The following SYNPR variants were observed in gnomAD, a reference collection of about 807,000 sequenced individuals.
The protein encoded by SYNPR is synaptoporin.
SYNPR carries 23 observed loss-of-function variants against 32.9 expected under a neutral mutation model. The ratio of observed to expected loss-of-function variants is 0.70; its 90% CI spans 0.50 to 0.99. The LOEUF is 0.99. SYNPR is among the 50% of genes least tolerant of loss of function. SYNPR has a pLI of 0.00. For synonymous variants in SYNPR, 146 were observed against 135.9 expected (o/e 1.07, Z -0.52); for missense variants, 318 against 349.3 (o/e 0.91, Z 0.71).
intron 3 of SYNPR, among the ~76,000 whole-genome samples, chr3:63,523,499 T>G (rs1364236411): frequency 1.3e-5 from 2 of 152,050 alleles, no homozygotes; most frequent in Non-Finnish European, 2.9e-5. Context: ...CAGGAATTAT[T>G]CTCTCCCTTT....
At chr3:63,318,533 T>C (rs1363831539) in intron 2 of SYNPR, among the ~76,000 whole-genome samples, 2 of 152,048 alleles carry the variant, frequency 1.3e-5, no homozygotes, top group Non-Finnish European at 2.9e-5. Flanking sequence ...CTCTTCTGTT[T>C]GTTCAGTTCT....
chr3:63,228,932 AAAACAAAC>A (rs61065374), intron 1 of SYNPR, among the ~76,000 whole-genome samples: 2,000 of 151,866 alleles, frequency 0.013, 40 homozygotes, highest in African/African-American at 0.043. Flanking sequence ...GCGCTTCTCC[AAAACAAAC>A]AAACAAACAA....
intron 2 of SYNPR, among the ~76,000 whole-genome samples, chr3:63,282,335 T>C (rs542048798): frequency 6.6e-6 from 1 of 152,334 alleles, no homozygotes; most frequent in African/African-American, 2.4e-5. Flanking sequence ...CAGAAGGCTA[T>C]ATTATTCTAA....
intron 2 of SYNPR, among the ~76,000 whole-genome samples, chr3:63,342,548 G>C (rs2087383915): frequency 6.6e-6 from 1 of 152,150 alleles, no homozygotes; most frequent in East Asian, 1.9e-4. Context: ...TTATGTCTTA[G>C]TTCATGAGAG....
chr3:63,255,624 A>G (rs1294544394), intron 2 of SYNPR, among the ~76,000 whole-genome samples: 2 of 152,198 alleles, frequency 1.3e-5, no homozygotes, highest in Non-Finnish European at 2.9e-5. Flanking sequence ...AGGAGGAGCC[A>G]AGATGGCCAA....
chr3:63,583,095 G>A (rs1191079540), intron 4 of SYNPR, among the ~76,000 whole-genome samples: 1 of 152,088 alleles, frequency 6.6e-6, no homozygotes, highest in African/African-American at 2.4e-5. Flanking sequence ...GTTATCTATT[G>A]TTAGCAGAGA....
At chr3:63,261,007 C>G (rs762477506) in intron 2 of SYNPR, among the ~76,000 whole-genome samples, 1 of 152,072 alleles carries the variant, frequency 6.6e-6, no homozygotes, top group Non-Finnish European at 1.5e-5. Flanking sequence ...AAATCAAAAC[C>G]ACAATGAGAT....
chr3:63,583,810 T>A (rs73834614), intron 4 of SYNPR, among the ~76,000 whole-genome samples: 1 of 152,102 alleles, frequency 6.6e-6, no homozygotes, highest in Non-Finnish European at 1.5e-5. Context: ...TTCCCATAGG[T>A]GTGAGTGGTG....
intron 2 of SYNPR, among the ~76,000 whole-genome samples, chr3:63,256,084 G>C (rs1025211479): frequency 1.3e-5 from 2 of 152,156 alleles, no homozygotes; most frequent in Non-Finnish European, 2.9e-5. Flanking sequence ...GCTCCAACTG[G>C]GTGGAGCCCA....
At chr3:63,538,059 TG>T (rs34265913) in intron 3 of SYNPR, among the ~76,000 whole-genome samples, 32,421 of 152,016 alleles carry the variant, frequency 0.21, 3,501 homozygotes, top group East Asian at 0.32. Flanking sequence ...AATATTTCCT[TG>T]CCCTACCACT....
intron 2 of SYNPR, among the ~76,000 whole-genome samples, chr3:63,458,598 A>C (rs1700526211): frequency 6.6e-6 from 1 of 152,156 alleles, no homozygotes; most frequent in African/African-American, 2.4e-5. Context: ...AGAGAATGCC[A>C]CTTGCACATT....
chr3:63,348,101 T>C (rs954771902), intron 2 of SYNPR, among the ~76,000 whole-genome samples: 1 of 152,202 alleles, frequency 6.6e-6, no homozygotes, highest in Non-Finnish European at 1.5e-5. Context: ...CTTTGAGAAA[T>C]ATCCATTCTG....
At position 63,532,230 on chromosome 3, in the gene SYNPR, A is replaced by G. The variant is rs181401711; in HGVS notation, c.210-24313A>G. Among the ~76,000 whole-genome samples the G allele has an allele frequency of 1.4e-3, 206 of 152,242 alleles. 1 individual carries two copies. Among genetic ancestry groups the G allele is most frequent in the African/African-American group, 4.7e-3 (194 of 41,550 alleles). On this transcript the variant is annotated intron_variant, in intron 3 of 5. Transcript: ENST00000478300. Reference sequence around the variant, plus strand: ...AAATTAAGTGGCTTTCCCTCTTTCAATCGTATGTTCCCTGGCTCCATAGTG... The same window carrying G: ...AAATTAAGTGGCTTTCCCTCTTTCAGTCGTATGTTCCCTGGCTCCATAGTG...
At chr3:63,504,185 C>T (rs1017651936) in intron 3 of SYNPR, among the ~76,000 whole-genome samples, 2 of 151,884 alleles carry the variant, frequency 1.3e-5, no homozygotes, top group Non-Finnish European at 2.9e-5. Flanking sequence ...TCTATGCATC[C>T]ACATGTAGGT....
the SYNPR span, among the ~76,000 whole-genome samples, chr3:63,210,647 G>A: frequency 2.0e-5 from 3 of 152,158 alleles, no homozygotes; most frequent in Non-Finnish European, 2.9e-5. Flanking sequence ...AGTGGCTGAA[G>A]AATAGGAATG....
At chr3:63,477,871 G>A (rs949039296) in intron 2 of SYNPR, among the ~76,000 whole-genome samples, 9 of 152,212 alleles carry the variant, frequency 5.9e-5, no homozygotes, top group South Asian at 2.1e-4. Flanking sequence ...AGACAATAGC[G>A]GCTTTGAGCC....
rs367924512 is a variant in SYNPR at position 63,560,675 on chromosome 3, G to A, written c.408+3934G>A. On this transcript the variant is annotated intron_variant, in intron 4 of 5. Transcript: ENST00000478300. Reference sequence around the variant, plus strand: ...GCTGGGGAGGCCTCAGGAAATTTACGATCATGGTGGAAGGCACCTCTTCAT... The same window carrying A: ...GCTGGGGAGGCCTCAGGAAATTTACAATCATGGTGGAAGGCACCTCTTCAT... Among the ~76,000 whole-genome samples, 72 of 152,234 alleles carry A rather than the reference G, an allele frequency of 4.7e-4. 1 individual carries two copies. The South Asian group carries it at 0.014, about 29-fold the overall frequency.
At chr3:63,246,779 G>A (rs113874232) in intron 1 of SYNPR, among the ~76,000 whole-genome samples, 94 of 152,098 alleles carry the variant, frequency 6.2e-4, no homozygotes, top group Middle Eastern at 3.4e-3. Context: ...CAGTAGTTGA[G>A]AACTTGCTTG....
chr3:63,287,008 T>C (rs2086690463), intron 2 of SYNPR, among the ~76,000 whole-genome samples: 1 of 152,206 alleles, frequency 6.6e-6, no homozygotes, highest in South Asian at 2.1e-4. Context: ...GAACTTGATC[T>C]CTGTTCCCTA....
Sources: gnomAD v4.1 joint callset for allele counts (sites outside exome capture counted in the v4.1 genomes callset) on GRCh38, gnomAD v4.1.1 for gene constraint, MANE v1.5 for transcripts, NCBI Gene and HGNC (gene_info 2026-07-23, HGNC 2026-07-21) for gene names.